Variants in GNAQ observed in about 807,000 individuals in gnomAD.
GNAQ encodes guanine nucleotide-binding protein G(q) subunit alpha.
GNAQ carries 8 observed loss-of-function variants against 43.9 expected under a neutral mutation model. The observed-to-expected ratio is 0.18, with a 90% CI of 0.11 to 0.33. The LOEUF (loss-of-function observed/expected upper bound fraction) is 0.33, where lower values mean the gene tolerates loss of function less well. Among genes scored for constraint, GNAQ ranks in the 10% least tolerant of loss-of-function variants. GNAQ has a pLI of 1.00. For synonymous variants in GNAQ, 155 were observed against 170.7 expected (o/e 0.91, Z 0.71); for missense variants, 158 against 450.8 (o/e 0.35, Z 5.88).
intron 1 of GNAQ, among the ~76,000 whole-genome samples, chr9:77,980,186 A>G (rs1823352134): frequency 6.6e-6 from 1 of 152,192 alleles, no homozygotes; most frequent in East Asian, 1.9e-4. Context: ...TACAACAGGC[A>G]CAATACCACC....
intron 2 of GNAQ, among the ~76,000 whole-genome samples, chr9:77,882,768 AT>A (rs368067630): frequency 1.1e-4 from 17 of 150,656 alleles, no homozygotes; most frequent in African/African-American, 2.7e-4. Flanking sequence ...ACTTGATGGG[AT>A]TTTTTTTTTC....
chr9:77,936,179 T>G (rs758555342), intron 1 of GNAQ, among the ~76,000 whole-genome samples: 10 of 152,228 alleles, frequency 6.6e-5, no homozygotes, highest in Non-Finnish European at 1.5e-4. Context: ...ATTTGCCTCT[T>G]AATTTAAATT....
chr9:77,753,333 G>A (rs1309521621), intron 5 of GNAQ, among the ~76,000 whole-genome samples: 3 of 152,030 alleles, frequency 2.0e-5, no homozygotes, highest in Non-Finnish European at 4.4e-5. Context: ...AAAAGGTTCA[G>A]GGTAAGATAT....
At chr9:78,003,001 A>T (rs993663645) in intron 1 of GNAQ, among the ~76,000 whole-genome samples, 1 of 152,166 alleles carries the variant, frequency 6.6e-6, no homozygotes, top group African/African-American at 2.4e-5. Context: ...TCCATATAAG[A>T]AGTTTTCAAA....
chr9:77,848,529 A>G (rs2117913724), intron 2 of GNAQ, among the ~76,000 whole-genome samples: 1 of 152,356 alleles, frequency 6.6e-6, no homozygotes, highest in South Asian at 2.1e-4. Context: ...TGGGATACAG[A>G]TTCCTGGCCA....
In GNAQ at chr9:78,014,938, T is replaced by C. The variant is rs570482035; in HGVS notation, c.136+16162A>G. Among the ~76,000 whole-genome samples the C allele has an allele frequency of 1.5e-3, 231 of 152,268 alleles. 2 individuals carry two copies. The highest frequency in any genetic ancestry group is 4.7e-3 in the African/African-American group (194 of 41,558). On this transcript the variant is annotated intron_variant, in intron 1 of 6. Coordinates refer to ENST00000286548, the MANE Select transcript of GNAQ (RefSeq NM_002072.5). ...TCGCCTACTGACATCGTAGTTATCATAATGCAACACATTAGTCACATGTTT... is the reference window on the plus strand; with the variant it reads ...TCGCCTACTGACATCGTAGTTATCACAATGCAACACATTAGTCACATGTTT...
At chr9:77,841,648 CAACT>C (rs1157860959) in intron 2 of GNAQ, among the ~76,000 whole-genome samples, 1 of 152,014 alleles carries the variant, frequency 6.6e-6, no homozygotes, top group Non-Finnish European at 1.5e-5. Flanking sequence ...GGGTTGTGCC[CAACT>C]ATTATATGTA....
chr9:77,798,170 T>G (rs1289621951), intron 3 of GNAQ, among the ~76,000 whole-genome samples: 3 of 152,186 alleles, frequency 2.0e-5, no homozygotes, highest in Admixed American at 6.5e-5. Flanking sequence ...CCTAAGTCAT[T>G]CATGATTAAT....
intron 2 of GNAQ, among the ~76,000 whole-genome samples, chr9:77,901,455 A>T (rs1340748277): frequency 6.6e-6 from 1 of 151,986 alleles, no homozygotes. Flanking sequence ...TCCCACTCTC[A>T]TTCATCTGTC....
intron 2 of GNAQ, among the ~76,000 whole-genome samples, chr9:77,913,902 T>C (rs1000298003): frequency 6.6e-6 from 1 of 152,168 alleles, no homozygotes; most frequent in African/African-American, 2.4e-5. Flanking sequence ...TTTTTGAAAT[T>C]TTTATTATCG....
chr9:77,788,695 A>G (rs1826521994), intron 5 of GNAQ, among the ~76,000 whole-genome samples: 2 of 152,302 alleles, frequency 1.3e-5, no homozygotes, highest in South Asian at 4.1e-4. Flanking sequence ...CTCTCACTCA[A>G]ACAGTTTATA....
intron 5 of GNAQ, among the ~76,000 whole-genome samples, chr9:77,772,870 A>C (rs1168229685): frequency 6.6e-6 from 1 of 152,236 alleles, no homozygotes; most frequent in African/African-American, 2.4e-5. Flanking sequence ...CTTGGGCCAC[A>C]TGTAAAATAC....
At chr9:77,949,936 C>T (rs1395092157) in intron 1 of GNAQ, among the ~76,000 whole-genome samples, 3 of 152,182 alleles carry the variant, frequency 2.0e-5, no homozygotes, top group East Asian at 1.9e-4. Context: ...AAAAGATTCC[C>T]GATCCATGCA....
intron 5 of GNAQ, among the ~76,000 whole-genome samples, chr9:77,788,174 C>T (rs1454135548): frequency 6.6e-6 from 1 of 152,062 alleles, no homozygotes; most frequent in East Asian, 1.9e-4. Context: ...GTGTATATAT[C>T]AAAAACAAAA....
intron 5 of GNAQ, among the ~76,000 whole-genome samples, chr9:77,783,050 C>CA (rs1278335486): frequency 6.6e-6 from 1 of 152,168 alleles, no homozygotes. Context: ...CCATTTTGTA[C>CA]AACACTATAA....
intron 4 of GNAQ, among the ~76,000 whole-genome samples, chr9:77,797,049 T>A (rs1373826961): frequency 6.6e-6 from 1 of 152,208 alleles, no homozygotes; most frequent in Non-Finnish European, 1.5e-5. Flanking sequence ...TTGTTTTTTT[T>A]TGAGATGGAG....
At chr9:77,955,631 CT>C (rs1823032194) in intron 1 of GNAQ, among the ~76,000 whole-genome samples, 1 of 152,120 alleles carries the variant, frequency 6.6e-6, no homozygotes. Context: ...TAAAATTTGA[CT>C]AGTATAAATA....
chr9:77,962,696 C>A (rs1465873649), intron 1 of GNAQ, among the ~76,000 whole-genome samples: 1 of 151,856 alleles, frequency 6.6e-6, no homozygotes, highest in African/African-American at 2.4e-5. Context: ...GTGAAGCCAG[C>A]CTGGCCAACA....
chr9:77,867,261 T>C (rs748339716), intron 2 of GNAQ, among the ~76,000 whole-genome samples: 41 of 152,290 alleles, frequency 2.7e-4, no homozygotes, highest in African/African-American at 8.9e-4. Context: ...ACTTTTTTTA[T>C]TGTTTGAAAA....
Sources: allele counts gnomAD v4.1 joint callset (sites outside exome capture counted in the v4.1 genomes callset), GRCh38; gene constraint gnomAD v4.1.1; transcripts MANE v1.5; gene names NCBI Gene and HGNC (gene_info 2026-07-23, HGNC 2026-07-21).